DOK6: variants seen among roughly 807,000 people sequenced by gnomAD.
DOK6 encodes docking protein 6.
DOK6 carries 22 observed loss-of-function variants against 44.0 expected under a neutral mutation model. That is an observed-to-expected ratio of 0.50 (90% CI 0.36 to 0.71). The LOEUF (loss-of-function observed/expected upper bound fraction) is 0.71, where lower values mean the gene tolerates loss of function less well. Ranked by LOEUF, DOK6 falls within the 30% of genes least tolerant of loss-of-function variation. The probability of loss-of-function intolerance (pLI) is 0.00; values close to 1 mark genes in which losing one functional copy is unlikely to be tolerated. For missense variants in DOK6, 340 were observed against 416.4 expected, an observed-to-expected ratio of 0.82 and a Z score of 1.60; for synonymous variants, 166 against 145.5, an observed-to-expected ratio of 1.14 and a Z score of -1.01.
At chr18:69,831,427 C>T (rs1429640596) in intron 7 of DOK6, among the ~76,000 whole-genome samples, 1 of 152,164 alleles carries the variant, frequency 6.6e-6, no homozygotes, top group African/African-American at 2.4e-5. Flanking sequence ...CATTCTTTAA[C>T]CCATTCCTGC....
intron 1 of DOK6, among the ~76,000 whole-genome samples, chr18:69,416,548 A>G (rs932345819): frequency 1.3e-5 from 2 of 151,814 alleles, no homozygotes; most frequent in African/African-American, 4.8e-5. Flanking sequence ...AATGCAGCAG[A>G]AAGTGGGAGA....
chr18:69,433,158 A>G (rs1305724246), intron 1 of DOK6, among the ~76,000 whole-genome samples: 1 of 152,182 alleles, frequency 6.6e-6, no homozygotes, highest in Non-Finnish European at 1.5e-5. Context: ...ATCTAGTTTA[A>G]GTCTATATAT....
rs1040174185 is a variant in DOK6 at position 69,546,525 on chromosome 18, T to C, written c.67-17962T>C. Among the ~76,000 whole-genome samples, 4 of 151,392 alleles carry C rather than the reference T, an allele frequency of 2.6e-5. 1 individual carries two copies. The highest frequency in any genetic ancestry group is 3.0e-5 in the Non-Finnish European group (2 of 67,690). ...CGAGCAGAGATATGAGTTCTTACAG[T>C]TTGTGGGGTACTACCTATAAAATAA... On this transcript the variant is annotated intron_variant, in intron 1 of 7. Transcript: ENST00000382713.
intron 1 of DOK6, among the ~76,000 whole-genome samples, chr18:69,457,509 C>G (rs1030644774): frequency 6.6e-6 from 1 of 151,872 alleles, no homozygotes; most frequent in African/African-American, 2.4e-5. Context: ...GTTTTTGTAC[C>G]AGTAGTATGC....
intron 1 of DOK6, among the ~76,000 whole-genome samples, chr18:69,501,236 G>T (rs568122009): frequency 1.1e-4 from 17 of 152,166 alleles, no homozygotes; most frequent in Non-Finnish European, 2.2e-4. Context: ...ATTATCAGAT[G>T]ATCTCAAACA....
chr18:69,733,169 T>C (rs893640655), intron 5 of DOK6, among the ~76,000 whole-genome samples: 3 of 151,120 alleles, frequency 2.0e-5, no homozygotes, highest in African/African-American at 2.4e-5. Flanking sequence ...GCCTGGGTGA[T>C]AGAGTGAGAC....
intron 1 of DOK6, among the ~76,000 whole-genome samples, chr18:69,551,953 C>A (rs897899106): frequency 1.3e-5 from 2 of 152,156 alleles, no homozygotes; most frequent in Non-Finnish European, 2.9e-5. Context: ...AAATGCATTA[C>A]CCCAGTTCAC....
At chr18:69,727,286 G>C (rs1416377267) in intron 5 of DOK6, among the ~76,000 whole-genome samples, 1 of 152,118 alleles carries the variant, frequency 6.6e-6, no homozygotes, top group African/African-American at 2.4e-5. Context: ...GTGAGTTTGG[G>C]GGAACACAAA....
At chr18:69,752,159 C>T (rs1428519925) in intron 6 of DOK6, among the ~76,000 whole-genome samples, 3 of 151,348 alleles carry the variant, frequency 2.0e-5, no homozygotes, top group Non-Finnish European at 4.4e-5. Context: ...ACACAAGTCT[C>T]TCTAAAAGAT....
At chr18:69,712,101 G>T (rs1215660064) in intron 5 of DOK6, among the ~76,000 whole-genome samples, 1 of 150,054 alleles carries the variant, frequency 6.7e-6, no homozygotes, top group Non-Finnish European at 1.5e-5. Flanking sequence ...CTAAAACGGT[G>T]AAACCCCGTC....
At chr18:69,592,882 C>G (rs1416529977) in intron 2 of DOK6, among the ~76,000 whole-genome samples, 2 of 151,922 alleles carry the variant, frequency 1.3e-5, no homozygotes, top group African/African-American at 4.8e-5. Context: ...AGGTTTTAGA[C>G]TAATAAAAAC....
At position 69,698,474 on chromosome 18, in the gene DOK6, T is replaced by C. The variant is rs762463811; in HGVS notation, c.480T>C (p.Thr160=). Residue 160 remains threonine (T), a synonymous_variant, in exon 5 of 8, where the codon ACT becomes ACC. Coordinates refer to ENST00000382713, the MANE Select transcript of DOK6 (RefSeq NM_152721.6). Reference sequence around the variant, plus strand: ...ATGGTGAATGCACAATGCAGATCACTCATGAAAATATCTATCTCTGGGATA... The same window carrying C: ...ATGGTGAATGCACAATGCAGATCACCCATGAAAATATCTATCTCTGGGATA... The part of the protein sequence containing the change: ...DIYGECTMQI[T]HENIYLWDIH... 30 of 1,613,978 alleles carry C rather than the reference T, an allele frequency of 1.9e-5. 1 individual carries two copies. The highest frequency in any genetic ancestry group is 9.3e-6 in the Non-Finnish European group (11 of 1,179,962).
chr18:69,812,095 G>C (rs1020260145), intron 7 of DOK6, among the ~76,000 whole-genome samples: 4 of 152,016 alleles, frequency 2.6e-5, no homozygotes, highest in African/African-American at 9.7e-5. Context: ...ATATTTAATA[G>C]AATGTTAAAG....
intron 5 of DOK6, among the ~76,000 whole-genome samples, chr18:69,738,701 C>T: frequency 6.6e-6 from 1 of 152,170 alleles, no homozygotes; most frequent in South Asian, 2.1e-4. Flanking sequence ...CCTAAATCAC[C>T]TTTTTTTTCT....
At chr18:69,667,665 T>C (rs1985694522) in intron 3 of DOK6, among the ~76,000 whole-genome samples, 2 of 152,230 alleles carry the variant, frequency 1.3e-5, no homozygotes, top group Admixed American at 1.3e-4. Flanking sequence ...TTCTTGGCTT[T>C]CAGCATATTG....
At chr18:69,638,138 T>C (rs1984852555) in intron 3 of DOK6, among the ~76,000 whole-genome samples, 1 of 152,240 alleles carries the variant, frequency 6.6e-6, no homozygotes, top group Non-Finnish European at 1.5e-5. Flanking sequence ...TTTTAGCATG[T>C]GTGTCATAAA....
chr18:69,806,221 A>T (rs1488727696), intron 7 of DOK6, among the ~76,000 whole-genome samples: 1 of 152,004 alleles, frequency 6.6e-6, no homozygotes, highest in African/African-American at 2.4e-5. Context: ...TGGTATCCAC[A>T]TAGCTAAGAA....
chr18:69,813,814 T>C (rs1329771341), intron 7 of DOK6, among the ~76,000 whole-genome samples: 1 of 152,124 alleles, frequency 6.6e-6, no homozygotes, highest in Admixed American at 6.6e-5. Context: ...CTAACAATCC[T>C]AGCAAAGGCA....
intron 5 of DOK6, among the ~76,000 whole-genome samples, chr18:69,738,238 T>C (rs1269141773): frequency 6.6e-6 from 1 of 152,204 alleles, no homozygotes; most frequent in Non-Finnish European, 1.5e-5. Context: ...TATTTTTATG[T>C]TATAACTTGA....
Sources: allele counts gnomAD v4.1 joint callset (sites outside exome capture counted in the v4.1 genomes callset), GRCh38; gene constraint gnomAD v4.1.1; transcripts MANE v1.5; gene names NCBI Gene and HGNC (gene_info 2026-07-23, HGNC 2026-07-21).